The following XIRP1 variants were observed in gnomAD, a reference collection of about 807,000 sequenced individuals.
XIRP1 encodes xin actin binding repeat containing 1.
For missense variants in XIRP1, 2,378 were observed against 2,345.4 expected (o/e 1.01, Z -0.29); for synonymous variants, 984 against 947.0 (o/e 1.04, Z -0.72).
rs1248183251 is a variant in XIRP1, at chr3:39,188,622, GTC to G, written c.822_823del (p.Glu274AspfsTer38). The G allele has an allele frequency of 6.2e-7, 1 of 1,613,412 alleles. No homozygotes were observed. Among genetic ancestry groups the G allele is most frequent in the African/African-American group, 1.3e-5 (1 of 74,928 alleles). On this transcript the variant is annotated frameshift_variant, in exon 2 of 2. Transcript: ENST00000340369. LOFTEE classifies it low-confidence loss of function (END_TRUNC). The stretch of plus-strand genomic sequence containing the variant: ...CTGGTTGATGGCGTCCAGAGGCCGG[GTC>G]TCAAAGAGCCAGCGGGCAGACCTCA...
At position 39,184,023 on chromosome 3, in the gene XIRP1, G is replaced by A. The variant is rs1218420636; in HGVS notation, c.5423C>T (p.Ser1808Phe). 1.2e-6 allele frequency: 2 copies of A among 1,612,904 alleles called. No individual in the cohort carries two copies. The highest frequency in any genetic ancestry group is 1.8e-4 in the Middle Eastern group (1 of 5,674). Residue 1808 changes from serine to phenylalanine, a missense_variant, in exon 2 of 2, where the codon TCC (serine) becomes TTC (phenylalanine). Physicochemically the swap from Ser to Phe is radical, Grantham distance 155. Coordinates refer to ENST00000340369, the MANE Select transcript of XIRP1 (RefSeq NM_194293.4). ...GTGCAGGAACTGCCTCAGCAAGGGG[G>A]AGGCGTGGAGCCCGAGGTGGGAGCC... ...NPGSHLGLHA[S>F]PLLRQFLHSP...
rs1270716303 is a variant in XIRP1, at chr3:39,188,563, A to T, written c.883T>A (p.Ser295Thr). 6.2e-7 allele frequency: 1 copy of T among 1,612,598 alleles called. No homozygotes were observed. Among genetic ancestry groups the T allele is most frequent in the African/African-American group, 1.3e-5 (1 of 74,918 alleles). ...PSQVRVIRGISLEEGARPDVS... is the reference protein window; with the variant it reads ...PSQVRVIRGITLEEGARPDVS... Reference sequence around the variant, plus strand: ...TCGGGCCGGGCCCCCTCCTCCAGGGAAATCCCCCGGATCACCCGCACCTGG... The same window carrying T: ...TCGGGCCGGGCCCCCTCCTCCAGGGTAATCCCCCGGATCACCCGCACCTGG... The change falls in exon 2 of 2, where the codon TCC (serine) becomes ACC (threonine). Residue 295 changes from serine (S) to threonine (T), a missense_variant. Ser to Thr is a moderately conservative substitution (Grantham distance 58). Coordinates refer to ENST00000340369, the MANE Select transcript of XIRP1 (RefSeq NM_194293.4).
chr3:39,188,508 G>C lies in XIRP1; in HGVS notation c.938C>G (p.Thr313Arg). 6.2e-7 allele frequency: 1 copy of C among 1,606,794 alleles called. No individual in the cohort carries two copies. The highest frequency in any genetic ancestry group is 8.5e-7 in the Non-Finnish European group (1 of 1,174,362). The change falls in exon 2 of 2, where the codon ACA becomes AGA. Residue 313 changes from threonine to arginine, a missense_variant. Transcript: ENST00000340369. ...DVSATRWIFE[T>R]QPLDAIREIL... ...CTCCCGGATGGCATCCAGGGGCTGTGTCTCAAAGATCCAGCGAGTTGCACT... is the reference window on the plus strand; with the variant it reads ...CTCCCGGATGGCATCCAGGGGCTGTCTCTCAAAGATCCAGCGAGTTGCACT...
In XIRP1 at chr3:39,183,885, G is replaced by A. The variant is rs1296766605; in HGVS notation, c.*29C>T. 4 of 1,595,890 alleles carry A rather than the reference G, an allele frequency of 2.5e-6. No homozygotes were observed. The highest frequency in any genetic ancestry group is 1.1e-5 in the South Asian group (1 of 89,092). ...CTGGGGCAGTGGAGGCCAGGAACAG[G>A]TGGCAGGTGTGGTGGGAGGCGGTGG... On this transcript the variant is annotated 3_prime_UTR_variant, in exon 2 of 2. Transcript: ENST00000340369.
chr3:39,192,225 C>T (rs1001992425), intron 1 of XIRP1, among the ~76,000 whole-genome samples: 1 of 152,374 alleles, frequency 6.6e-6, no homozygotes, highest in East Asian at 1.9e-4. Context: ...AGCTTCAGGC[C>T]TGTGGCAGCC....
Position 39,188,106 on chromosome 3 carries a change from G to T in XIRP1, c.1340C>A (p.Thr447Asn). The T allele has an allele frequency of 6.2e-7, 1 of 1,614,186 alleles. No individual in the cohort carries two copies. The highest frequency in any genetic ancestry group is 8.5e-7 in the Non-Finnish European group (1 of 1,180,016). The change falls in exon 2 of 2, where the codon ACC becomes AAC. Residue 447 changes from threonine to asparagine, a missense_variant. By Grantham distance (65) the Thr-to-Asn change is moderately conservative. Transcript: ENST00000340369. ...CTGTCCAATGCTGTCCAAGGGAAGG[G>T]TCTCAAAAAGGTTCTTAAAAGTCTT... ...DVKTFKNLFETLPLDSIGQGE... is the reference protein window; with the variant it reads ...DVKTFKNLFENLPLDSIGQGE...
chr3:39,184,104 G>A lies in XIRP1; in HGVS notation c.5342C>T (p.Thr1781Ile). 2 of 1,605,762 alleles carry A rather than the reference G, an allele frequency of 1.2e-6. No homozygotes were observed. The highest frequency in any genetic ancestry group is 1.3e-5 in the African/African-American group (1 of 74,944). The change falls in exon 2 of 2, where the codon ACA becomes ATA. Residue 1781 changes from threonine (T) to isoleucine (I), a missense_variant. Transcript: ENST00000340369. ...QYEEVDQFGN[T>I]VLMSSTTVTE... ...GACTGTGGTGGAAGACATGAGGACT[G>A]TGTTCCCAAACTGGTCCACCTCCTC...
rs150061276 is a variant in XIRP1 at position 39,189,282 on chromosome 3, C to T, written c.164G>A (p.Arg55His). 64 of 1,609,944 alleles carry T rather than the reference C, an allele frequency of 4.0e-5. No homozygotes were observed. The highest frequency in any genetic ancestry group is 1.3e-4 in the African/African-American group (10 of 74,722). The stretch of plus-strand genomic sequence containing the variant: ...AGGGTGGATGTGCCTGTAGAGGCGG[C>T]GGAGCTCACTAGCTTGCCGCTGCTG... ...FHQQRQASEL[R>H]RLYRHIHPEL... The change falls in exon 2 of 2, where the codon CGC becomes CAC. Residue 55 changes from arginine (R) to histidine (H), a missense_variant. Transcript: ENST00000340369.
At chr3:39,189,615 G>T in intron 1 of XIRP1, 90 bp from the exon 2 acceptor site, 2 of 1,052,734 alleles carry the variant, frequency 1.9e-6, no homozygotes, top group Non-Finnish European at 2.6e-6. Flanking sequence ...CTATGTGCCT[G>T]GCCTGGGCTT....
chr3:39,185,845 G>A lies in XIRP1; in HGVS notation c.3601C>T (p.Gln1201Ter), dbSNP rs1347106694. The A allele has an allele frequency of 6.2e-7, 1 of 1,613,728 alleles. No individual in the cohort carries two copies. Among genetic ancestry groups the A allele is most frequent in the East Asian group, 2.2e-5 (1 of 44,866 alleles). Residue 1201 changes from glutamine (Q) to a stop codon, truncating the protein, a stop_gained, in exon 2 of 2, where the codon CAG becomes TAG. Transcript: ENST00000340369. LOFTEE classifies it low-confidence loss of function (END_TRUNC). ...TTCCCTGGTGGCCCCCAGGCCATCT[G>A]TGTGCAGCCCCCAGGCTCCTCCCGC... The part of the protein sequence containing the change: ...PGREEPGGCT[Q>*]MAWGPPGKAM...
rs1215684073 is a variant in XIRP1, at chr3:39,185,981, C to T, written c.3465G>A (p.Gly1155=). The part of the protein sequence containing the change: ...AHPVRTFDPP[G]GVQLSQREPQ... ...GTTCCCTCTGAGAAAGCTGGACACC[C>T]CCAGGTGGGTCAAAGGTCCTCACGG... is the stretch of plus-strand genomic sequence containing the variant. The change falls in exon 2 of 2, where the codon GGG becomes GGA. Residue 1155 remains glycine (G), a synonymous_variant. Transcript: ENST00000340369. 5 of 1,613,966 alleles carry T rather than the reference C, an allele frequency of 3.1e-6. No homozygotes were observed. Among genetic ancestry groups the T allele is most frequent in the East Asian group, 2.2e-5 (1 of 44,886 alleles).
At chr3:39,190,323 G>A (rs529372732) in intron 1 of XIRP1, among the ~76,000 whole-genome samples, 7 of 152,226 alleles carry the variant, frequency 4.6e-5, no homozygotes, top group East Asian at 1.9e-4. Flanking sequence ...ATGGAAGGCC[G>A]TGCTGGCTTG....
In XIRP1 at chr3:39,186,546, G is replaced by C. The variant is rs755246680; in HGVS notation, c.2900C>G (p.Thr967Ser). ...ASEGAQSLHP[T>S]ESIIHVPPLD... ...TGGGGGAACATGGATGATGCTCTCA[G>C]TTGGGTGCAGGCTCTGGGCCCCCTC... The change falls in exon 2 of 2, where the codon ACT becomes AGT. Residue 967 changes from threonine (T) to serine (S), a missense_variant. Physicochemically the swap from Thr to Ser is moderately conservative, Grantham distance 58. Coordinates refer to ENST00000340369, the MANE Select transcript of XIRP1 (RefSeq NM_194293.4). 5.0e-6 allele frequency: 8 copies of C among 1,612,164 alleles called. No homozygotes were observed. Among genetic ancestry groups the C allele is most frequent in the Non-Finnish European group, 6.8e-6 (8 of 1,179,048 alleles).
chr3:39,186,380 G>A lies in XIRP1; in HGVS notation c.3066C>T (p.Asp1022=), dbSNP rs149598956. The A allele has an allele frequency of 4.3e-6, 7 of 1,614,074 alleles. No individual in the cohort carries two copies. In the African/African-American group the frequency reaches 9.3e-5, roughly 22 times the overall value. The part of the protein sequence containing the change: ...AQLQNTEKQE[D]SHSGQKGMAV... ...CCATCCCTTTCTGTCCAGAGTGACT[G>A]TCTTCCTGCTTTTCTGTGTTTTGCA... Residue 1022 remains aspartate, a synonymous_variant, in exon 2 of 2, where the codon GAC becomes GAT. Transcript: ENST00000340369.
In XIRP1 at chr3:39,189,276, A is replaced by G; in HGVS notation, c.170T>C (p.Leu57Pro). 3 of 1,612,056 alleles carry G rather than the reference A, an allele frequency of 1.9e-6. No individual in the cohort carries two copies. The highest frequency in any genetic ancestry group is 2.5e-6 in the Non-Finnish European group (3 of 1,179,184). The change falls in exon 2 of 2, where the codon CTC becomes CCC. Residue 57 changes from leucine (L) to proline (P), a missense_variant. By Grantham distance (98) the Leu-to-Pro change is moderately conservative. Coordinates refer to ENST00000340369, the MANE Select transcript of XIRP1 (RefSeq NM_194293.4). The stretch of plus-strand genomic sequence containing the variant: ...GAGCTCAGGGTGGATGTGCCTGTAG[A>G]GGCGGCGGAGCTCACTAGCTTGCCG... ...QQRQASELRRLYRHIHPELRK... is the reference protein window; with the variant it reads ...QQRQASELRRPYRHIHPELRK...
Position 39,188,634 on chromosome 3 carries a change from C to T in XIRP1, c.812G>A (p.Trp271Ter). 5 of 1,613,444 alleles carry T rather than the reference C, an allele frequency of 3.1e-6. No individual in the cohort carries two copies. Among genetic ancestry groups the T allele is most frequent in the Non-Finnish European group, 3.4e-6 (4 of 1,180,022 alleles). The change falls in exon 2 of 2, where the codon TGG becomes TAG. Residue 271 changes from tryptophan to a stop codon, truncating the protein, a stop_gained. Coordinates refer to ENST00000340369, the MANE Select transcript of XIRP1 (RefSeq NM_194293.4). LOFTEE classifies it low-confidence loss of function (END_TRUNC). Reference sequence around the variant, plus strand: ...GTCCAGAGGCCGGGTCTCAAAGAGCCAGCGGGCAGACCTCACCGCGTTGCT... The same window carrying T: ...GTCCAGAGGCCGGGTCTCAAAGAGCTAGCGGGCAGACCTCACCGCGTTGCT... The part of the protein sequence containing the change: ...IQSNAVRSAR[W>*]LFETRPLDAI...
At position 39,183,995 on chromosome 3, in the gene XIRP1, G is replaced by A. The variant is rs1206311937; in HGVS notation, c.5451C>T (p.Ser1817=). The part of the protein sequence containing the change: ...ASPLLRQFLH[S]PAGFSSDLTE... ...TCAGGTCACTGCTGAACCCAGCTGG[G>A]CTGTGCAGGAACTGCCTCAGCAAGG... The change falls in exon 2 of 2, where the codon AGC becomes AGT. Residue 1817 remains serine (S), a synonymous_variant. Transcript: ENST00000340369. 4 of 1,612,906 alleles carry A rather than the reference G, an allele frequency of 2.5e-6. No individual in the cohort carries two copies. Among genetic ancestry groups the A allele is most frequent in the Non-Finnish European group, 3.4e-6 (4 of 1,179,946 alleles).
In XIRP1 at chr3:39,187,597, G is replaced by T; in HGVS notation, c.1849C>A (p.Pro617Thr). The T allele has an allele frequency of 1.2e-6, 2 of 1,614,080 alleles. No individual in the cohort carries two copies. The highest frequency in any genetic ancestry group is 8.5e-7 in the Non-Finnish European group (1 of 1,180,038). Residue 617 changes from proline (P) to threonine (T), a missense_variant, in exon 2 of 2, where the codon CCC (proline) becomes ACC (threonine). Pro to Thr is a conservative substitution (Grantham distance 38, BLOSUM62 -1). Transcript: ENST00000340369. ...AEKQGSEVTD[P>T]TAKAEAQSCT... Reference sequence around the variant, plus strand: ...GACTGTGCCTCAGCCTTGGCTGTGGGATCTGTGACCTCTGACCCCTGCTTT... The same window carrying T: ...GACTGTGCCTCAGCCTTGGCTGTGGTATCTGTGACCTCTGACCCCTGCTTT...
chr3:39,185,644 C>T lies in XIRP1; in HGVS notation c.3802G>A (p.Asp1268Asn). 6.2e-7 allele frequency: 1 copy of T among 1,613,414 alleles called. No homozygotes were observed. The highest frequency in any genetic ancestry group is 8.5e-7 in the Non-Finnish European group (1 of 1,179,724). The change falls in exon 2 of 2, where the codon GAC becomes AAC. Residue 1268 changes from aspartate to asparagine, a missense_variant. By Grantham distance (23) the Asp-to-Asn change is conservative. Coordinates refer to ENST00000340369, the MANE Select transcript of XIRP1 (RefSeq NM_194293.4). ...PTLPAAVTGPDFPAGAHRAED... is the reference protein window; with the variant it reads ...PTLPAAVTGPNFPAGAHRAED... ...GCACGGTGGGCTCCAGCTGGAAAGT[C>T]AGGTCCTGTCACAGCAGCTGGGAGA...
Sources: gnomAD v4.1 joint callset for allele counts (sites outside exome capture counted in the v4.1 genomes callset) on GRCh38, gnomAD v4.1.1 for gene constraint, MANE v1.5 for transcripts, NCBI Gene and HGNC (gene_info 2026-07-23, HGNC 2026-07-21) for gene names.